Variants in RBFOX1 observed in about 807,000 individuals in gnomAD.
The protein encoded by RBFOX1 is RNA binding fox-1 homolog 1, also known as RNA binding protein fox-1 homolog 1.
A neutral mutation model predicts 57.7 loss-of-function variants in RBFOX1; 8 were observed. The observed-to-expected ratio is 0.14, with a 90% confidence interval of 0.08 to 0.25. The LOEUF is 0.25. Ranked by LOEUF, RBFOX1 falls within the 10% of genes least tolerant of loss-of-function variation. The pLI is 1.00. For missense variants in RBFOX1, 611 were observed against 548.5 expected, an observed-to-expected ratio of 1.11 and a Z score of -1.14; for synonymous variants, 326 against 222.4, an observed-to-expected ratio of 1.47 and a Z score of -4.15.
chr16:6,003,549 C>G (rs1402714974), intron 4 of RBFOX1, among the ~76,000 whole-genome samples: 2 of 147,544 alleles, frequency 1.4e-5, no homozygotes, highest in East Asian at 4.4e-4. Flanking sequence ...GGTCATTGCT[C>G]CACCCCTGCG....
At chr16:6,450,702 A>G (rs1197807977) in intron 2 of RBFOX1, among the ~76,000 whole-genome samples, 2 of 136,228 alleles carry the variant, frequency 1.5e-5, no homozygotes, top group Non-Finnish European at 3.1e-5. Flanking sequence ...AAGCAAATTA[A>G]TCCTTTCTTG....
chr16:6,931,850 A>C (rs1459668545), intron 3 of RBFOX1, among the ~76,000 whole-genome samples: 1 of 152,174 alleles, frequency 6.6e-6, no homozygotes, highest in East Asian at 1.9e-4. Flanking sequence ...AGAGCATGGC[A>C]CTGGTATCTG....
intron 4 of RBFOX1, among the ~76,000 whole-genome samples, chr16:7,135,689 G>A (rs183863555): frequency 1.3e-5 from 2 of 152,348 alleles, no homozygotes; most frequent in African/African-American, 4.8e-5. Flanking sequence ...ATTCCAACAA[G>A]AGATAAGGCC....
chr16:7,682,068 A>T (rs2074904024), intron 14 of RBFOX1, among the ~76,000 whole-genome samples: 1 of 152,062 alleles, frequency 6.6e-6, no homozygotes, highest in East Asian at 1.9e-4. Flanking sequence ...ATGGTTGTCA[A>T]CCCTCTTTTC....
intron 4 of RBFOX1, among the ~76,000 whole-genome samples, chr16:7,419,787 C>T (rs781720134): frequency 2.0e-5 from 3 of 152,180 alleles, no homozygotes; most frequent in Admixed American, 6.5e-5. Context: ...ATTAACACAT[C>T]GCACACTGAA....
intron 4 of RBFOX1, among the ~76,000 whole-genome samples, chr16:7,086,631 G>T (rs1250248519): frequency 6.6e-6 from 1 of 151,986 alleles, no homozygotes; most frequent in African/African-American, 2.4e-5. Flanking sequence ...GATGGATTTT[G>T]TAAGGAGAGC....
chr16:7,683,113 C>G (rs554070257), intron 14 of RBFOX1, among the ~76,000 whole-genome samples: 39 of 139,308 alleles, frequency 2.8e-4, no homozygotes, highest in Non-Finnish European at 5.1e-4. Context: ...CTATTTCCTC[C>G]TGATCTGCTC....
At chr16:6,223,457 A>G (rs1196221511) in intron 1 of RBFOX1, among the ~76,000 whole-genome samples, 2 of 151,788 alleles carry the variant, frequency 1.3e-5, no homozygotes, top group Non-Finnish European at 2.9e-5. Flanking sequence ...GCCAGTGATG[A>G]TGATCATTTT....
intron 14 of RBFOX1, among the ~76,000 whole-genome samples, chr16:7,680,823 C>G (rs2074540295): frequency 6.6e-6 from 1 of 152,020 alleles, no homozygotes; most frequent in Non-Finnish European, 1.5e-5. Context: ...ATACATATAT[C>G]TACATAAATG....
intron 3 of RBFOX1, among the ~76,000 whole-genome samples, chr16:6,701,340 T>C (rs954858342): frequency 1.3e-5 from 2 of 152,204 alleles, no homozygotes; most frequent in African/African-American, 4.8e-5. Flanking sequence ...GTACGGGTAT[T>C]TGTGAGATGC....
chr16:6,195,938 G>A (rs1050214280), intron 1 of RBFOX1, among the ~76,000 whole-genome samples: 1 of 152,138 alleles, frequency 6.6e-6, no homozygotes, highest in African/African-American at 2.4e-5. Context: ...GCAGAGCCAT[G>A]CTGGGAAATA....
At chr16:6,838,734 C>A (rs1465294866) in intron 3 of RBFOX1, among the ~76,000 whole-genome samples, 1 of 152,138 alleles carries the variant, frequency 6.6e-6, no homozygotes, top group African/African-American at 2.4e-5. Flanking sequence ...ATCGGTAATA[C>A]ATTTGCTTAG....
intron 1 of RBFOX1, among the ~76,000 whole-genome samples, chr16:6,146,592 T>A (rs1309034951): frequency 2.0e-5 from 3 of 152,074 alleles, no homozygotes. Flanking sequence ...TTAGAGAGAG[T>A]AGGTGACTGT....
At chr16:5,676,387 G>A (rs1252020704) in intron 3 of RBFOX1, among the ~76,000 whole-genome samples, 1 of 152,172 alleles carries the variant, frequency 6.6e-6, no homozygotes, top group Non-Finnish European at 1.5e-5. Context: ...ATATATGTGT[G>A]TGTGTGATAT....
chr16:6,343,268 A>G (rs545488707), intron 2 of RBFOX1, among the ~76,000 whole-genome samples: 71 of 152,060 alleles, frequency 4.7e-4, no homozygotes, highest in African/African-American at 1.4e-3. Context: ...AACTCTGTCT[A>G]TTAGGTAATC....
chr16:7,204,904 T>C (rs2089598507), intron 4 of RBFOX1, among the ~76,000 whole-genome samples: 1 of 152,250 alleles, frequency 6.6e-6, no homozygotes, highest in Non-Finnish European at 1.5e-5. Flanking sequence ...TATTCATCTT[T>C]CTATGTCTCT....
intron 2 of RBFOX1, among the ~76,000 whole-genome samples, chr16:5,550,025 T>G (rs1543941): frequency 0.81 from 123,055 of 152,184 alleles, 50,028 homozygotes; most frequent in East Asian, 0.99. Context: ...ACAGCTTTCT[T>G]TGTTTACCTA....
chr16:6,840,643 C>G (rs1361132598), intron 3 of RBFOX1, among the ~76,000 whole-genome samples: 2 of 152,024 alleles, frequency 1.3e-5, no homozygotes, highest in African/African-American at 4.8e-5. Flanking sequence ...AACCCCAGCA[C>G]TTTGGGAGGC....
chr16:6,936,589 G>C (rs750496517), intron 3 of RBFOX1, among the ~76,000 whole-genome samples: 2 of 152,072 alleles, frequency 1.3e-5, no homozygotes, highest in Non-Finnish European at 2.9e-5. Context: ...GTATATGCCA[G>C]CCTAAGCACT....
Sources: gnomAD v4.1 joint callset for allele counts (sites outside exome capture counted in the v4.1 genomes callset) on GRCh38, gnomAD v4.1.1 for gene constraint, MANE v1.5 for transcripts, NCBI Gene and HGNC (gene_info 2026-07-23, HGNC 2026-07-21) for gene names.